SRP19: variants seen among roughly 807,000 people sequenced by gnomAD.
SRP19 encodes the protein signal recognition particle 19 kDa protein.
A neutral mutation model predicts 22.4 loss-of-function variants in SRP19; 11 were observed. The observed-to-expected ratio is 0.49, with a 90% CI of 0.31 to 0.81. The LOEUF is 0.81. Among genes scored for constraint, SRP19 ranks in the 40% least tolerant of loss-of-function variants. SRP19 has a pLI of 0.05. For missense variants in SRP19, 168 were observed against 175.9 expected (o/e 0.96, Z 0.25); for synonymous variants, 61 against 57.6 (o/e 1.06, Z -0.27).
chr5:112,878,164 T>G (rs1767955347), intron 4 of SRP19: 1 of 152,660 alleles, frequency 6.6e-6, no homozygotes, highest in Admixed American at 6.5e-5. Context: ...TTCACTTGCA[T>G]ATTAATCACG....
chr5:112,865,274 T>C (rs17290456), intron 4 of SRP19: 6,439 of 152,414 alleles, frequency 0.042, 218 homozygotes, highest in Non-Finnish European at 0.067. Flanking sequence ...CACTCATTCT[T>C]AAGAGAGTAG....
Position 112,864,451 on chromosome 5 carries a change from G to C in SRP19, c.118-6G>C, listed in dbSNP as rs771885512. On this transcript the variant is annotated splice_polypyrimidine_tract_variant and splice_region_variant and intron_variant, in intron 2 of 4. Coordinates refer to ENST00000505459, the MANE Select transcript of SRP19 (RefSeq NM_003135.3). ...ATATTTAGTGTTTATGTTTTTAACT[G>C]TTCAGGCTGTTGAAAATCCTACAGC... The C allele has an allele frequency of 6.2e-7, 1 of 1,612,454 alleles. No individual in the cohort carries two copies.
At chr5:112,886,465 T>A (rs1375774853) in intron 4 of SRP19, among the ~76,000 whole-genome samples, 1 of 152,214 alleles carries the variant, frequency 6.6e-6, no homozygotes, top group African/African-American at 2.4e-5. Context: ...ATCCCAGGCT[T>A]GTCTCTAGTT....
chr5:112,891,983 A>G, exon 5 of SRP19: 3 of 1,246,378 alleles, frequency 2.4e-6, no homozygotes, highest in Non-Finnish European at 3.6e-6. Context: ...TTAAAGGAAC[A>G]ATGGAAAGAA....
chr5:112,892,035 G>T, exon 5 of SRP19: 1 of 1,433,826 alleles, frequency 7.0e-7, no homozygotes, highest in Non-Finnish European at 9.8e-7. Flanking sequence ...AGAAACAACA[G>T]GAGAAGAAAG....
At chr5:112,898,228 TCTC>T (rs1768752055) in exon 4 of SRP19, 1 of 152,238 alleles carries the variant, frequency 6.6e-6, no homozygotes, top group South Asian at 2.1e-4. Flanking sequence ...AGAGGCCTCT[TCTC>T]AGTCTGTTCA....
At chr5:112,891,708 G>A (rs1440608268) in exon 5 of SRP19, 6 of 1,614,090 alleles carry the variant, frequency 3.7e-6, no homozygotes, top group Non-Finnish European at 5.1e-6. Flanking sequence ...GCCACAAAAA[G>A]TACAGGGCCG....
intron 4 of SRP19, chr5:112,877,324 A>G (rs979625768): frequency 1.3e-5 from 2 of 152,178 alleles, no homozygotes; most frequent in Non-Finnish European, 2.9e-5. Context: ...AAAATACTGT[A>G]CTGGCTGGAT....
chr5:112,875,647 T>C (rs1246380708), intron 4 of SRP19, among the ~76,000 whole-genome samples: 5 of 152,088 alleles, frequency 3.3e-5, no homozygotes, highest in Non-Finnish European at 7.4e-5. Context: ...GGATTACAGG[T>C]CCGCTAGGCC....
intron 4 of SRP19, among the ~76,000 whole-genome samples, 196 bp from the exon 5 acceptor site, chr5:112,867,208 C>G (rs1217221007): frequency 6.6e-6 from 1 of 152,210 alleles, no homozygotes; most frequent in African/African-American, 2.4e-5. Context: ...ATATTTTCAG[C>G]ATTATTCTCA....
intron 4 of SRP19, chr5:112,878,628 A>T (rs1284241977): frequency 9.1e-7 from 1 of 1,094,138 alleles, no homozygotes; most frequent in Non-Finnish European, 1.3e-6. Context: ...ATAGACAGTA[A>T]AAGTAAGCAA....
chr5:112,878,968 T>G, intron 4 of SRP19: 1 of 1,388,652 alleles, frequency 7.2e-7, no homozygotes, highest in South Asian at 1.3e-5. Flanking sequence ...GCGATCATGT[T>G]GGGGTTTGTG....
At chr5:112,870,157 C>G (rs1198428353), downstream of SRP19, among the ~76,000 whole-genome samples, 1 of 152,110 alleles carries the variant, frequency 6.6e-6, no homozygotes, top group African/African-American at 2.4e-5. Context: ...TTTTTCAGTC[C>G]TGACAGCCAA....
chr5:112,878,013 G>C (rs1219670803), intron 4 of SRP19: 1 of 107,802 alleles, frequency 9.3e-6, no homozygotes, highest in East Asian at 3.0e-4. Flanking sequence ...GTGTGTGTGT[G>C]TGTGTGTGTA....
downstream of SRP19, chr5:112,895,732 A>C (rs760000730): frequency 6.6e-6 from 1 of 152,216 alleles, no homozygotes; most frequent in Non-Finnish European, 1.5e-5. Context: ...GCCACCTCTT[A>C]CAACCCTCTC....
At chr5:112,895,695 G>T (rs1411675136), downstream of SRP19, 5 of 152,278 alleles carry the variant, frequency 3.3e-5, 1 homozygote, top group South Asian at 1.0e-3. Flanking sequence ...GTTAATTACT[G>T]TTCAACTCCC....
chr5:112,866,270 C>T (rs1767602819), intron 4 of SRP19, among the ~76,000 whole-genome samples: 1 of 152,058 alleles, frequency 6.6e-6, no homozygotes, highest in African/African-American at 2.4e-5. Context: ...GCATGAGCCA[C>T]CAGACCCGGC....
At chr5:112,889,582 T>C (rs764215014) in intron 4 of SRP19, among the ~76,000 whole-genome samples, 1 of 150,656 alleles carries the variant, frequency 6.6e-6, no homozygotes, top group African/African-American at 2.5e-5. Context: ...TATATATTTA[T>C]ATATAGCTAT....
rs1767704982 is a variant in SRP19 at position 112,869,362 on chromosome 5, A to T, written c.*1825A>T. 6.6e-6 allele frequency: 1 copy of T among 152,232 alleles called. No homozygotes were observed. The highest frequency in any genetic ancestry group is 2.1e-4 in the South Asian group (1 of 4,836). 9.4% of individuals were successfully genotyped at this position (152,232 alleles called of 1,614,324 possible). A position where few individuals can be genotyped will look rare whatever the true frequency, so the allele number is the denominator to read the frequency against. On this transcript the variant is annotated 3_prime_UTR_variant, in exon 5 of 5. Transcript: ENST00000505459. ...CTTAGCCTCCCAAGTAGCTGAGACC[A>T]TAGGCATGAGATTTCTCAAAATTCC...
Sources: gnomAD v4.1 joint callset for allele counts (sites outside exome capture counted in the v4.1 genomes callset) on GRCh38, gnomAD v4.1.1 for gene constraint, MANE v1.5 for transcripts, NCBI Gene and HGNC (gene_info 2026-07-23, HGNC 2026-07-21) for gene names.